COL5A2: variants seen among roughly 807,000 people sequenced by gnomAD.
The protein encoded by COL5A2 is collagen type V alpha 2 chain.
A neutral mutation model predicts 208.2 loss-of-function variants in COL5A2; 23 were observed. The ratio of observed to expected loss-of-function variants is 0.11; its 90% CI spans 0.08 to 0.16. COL5A2 has a LOEUF of 0.16. Ranked by LOEUF, COL5A2 falls within the 10% of genes least tolerant of loss-of-function variation. The pLI is 1.00. For synonymous variants in COL5A2, 625 were observed against 628.5 expected (o/e 0.99, Z 0.08); for missense variants, 1,590 against 1,956.4 (o/e 0.81, Z 3.53).
chr2:189,057,498 G>T, intron 33 of COL5A2, 71 bp from the exon 34 acceptor site: 2 of 1,135,650 alleles, frequency 1.8e-6, no homozygotes, highest in Non-Finnish European at 2.7e-6. Context: ...GCTTTTTAGT[G>T]GGTCAAAAGT....
intron 41 of COL5A2, 23 bp downstream of exon 41, chr2:189,052,149 C>T: frequency 6.2e-7 from 1 of 1,605,990 alleles, no homozygotes; most frequent in Non-Finnish European, 8.5e-7. Context: ...TTATCAGTGA[C>T]TTGTCTCACT....
At chr2:189,202,933 T>C (rs140483767) in intron 1 of COL5A2, among the ~76,000 whole-genome samples, 1 of 152,278 alleles carries the variant, frequency 6.6e-6, no homozygotes, top group East Asian at 1.9e-4. Context: ...TCCAGAATGA[T>C]ACAATTACTG....
chr2:189,347,891 T>C, the COL5A2 span, among the ~76,000 whole-genome samples: 1 of 152,214 alleles, frequency 6.6e-6, no homozygotes, highest in Non-Finnish European at 1.5e-5. Flanking sequence ...CATTGTCTTT[T>C]CACATCCTGT....
At chr2:189,189,222 A>C (rs1170856735) in intron 1 of COL5A2, among the ~76,000 whole-genome samples, 1 of 152,200 alleles carries the variant, frequency 6.6e-6, no homozygotes, top group Admixed American at 6.5e-5. Flanking sequence ...CTGAGTAATA[A>C]AAATATTCAT....
At chr2:189,106,807 T>C (rs1209385597) in intron 2 of COL5A2, among the ~76,000 whole-genome samples, 1 of 151,458 alleles carries the variant, frequency 6.6e-6, no homozygotes, top group Non-Finnish European at 1.5e-5. Flanking sequence ...CTGATCATTG[T>C]CAAATACTTT....
the COL5A2 span, among the ~76,000 whole-genome samples, chr2:189,267,285 G>A: frequency 6.6e-6 from 1 of 151,918 alleles, no homozygotes; most frequent in African/African-American, 2.4e-5. Flanking sequence ...AGCCTAGAAG[G>A]TATATTTTTC....
chr2:189,085,847 A>AGTGTAATT, intron 9 of COL5A2, 75 bp from the exon 10 acceptor site: 1 of 1,226,874 alleles, frequency 8.2e-7, no homozygotes, highest in Non-Finnish European at 1.2e-6. Context: ...GTCAATATAC[A>AGTGTAATT]GTGTAATTGT....
chr2:189,048,267 A>G lies in COL5A2; in HGVS notation c.3148-5T>C. 1 of 1,613,844 alleles carries G rather than the reference A, an allele frequency of 6.2e-7. No individual in the cohort carries two copies. Among genetic ancestry groups the G allele is most frequent in the South Asian group, 1.1e-5 (1 of 91,078 alleles). ...ACCATCATTGCCAGCTGGACCCTATAAAGAATAATGGTTTGAAAAACTACT... is the reference window on the plus strand; with the variant it reads ...ACCATCATTGCCAGCTGGACCCTATGAAGAATAATGGTTTGAAAAACTACT... On this transcript the variant is annotated splice_region_variant and splice_polypyrimidine_tract_variant and intron_variant, in intron 44 of 53. Coordinates refer to ENST00000374866, the MANE Select transcript of COL5A2 (RefSeq NM_000393.5).
At chr2:189,286,641 C>A in the COL5A2 span, among the ~76,000 whole-genome samples, 1 of 152,132 alleles carries the variant, frequency 6.6e-6, no homozygotes, top group Admixed American at 6.6e-5. Flanking sequence ...AAGAGACTTA[C>A]AGTCTTCAAT....
chr2:189,096,754 T>C (rs1686925918), intron 6 of COL5A2, among the ~76,000 whole-genome samples: 1 of 152,166 alleles, frequency 6.6e-6, no homozygotes, highest in Non-Finnish European at 1.5e-5. Context: ...ATCTCAAAGA[T>C]ATTGAGGTCA....
chr2:189,054,346 T>C (rs1685855947), intron 35 of COL5A2, 134 bp from the exon 36 acceptor site: 4 of 672,458 alleles, frequency 5.9e-6, no homozygotes, highest in Non-Finnish European at 1.1e-5. Context: ...TTATCTATAA[T>C]AAATGATATA....
chr2:189,045,166 A>G lies in COL5A2; in HGVS notation c.3363+13T>C. The G allele has an allele frequency of 1.9e-6, 3 of 1,594,046 alleles. No individual in the cohort carries two copies. Among genetic ancestry groups the G allele is most frequent in the Non-Finnish European group, 1.7e-6 (2 of 1,169,906 alleles). ...AGAAAACATTTTTTAAAAAACAAAA[A>G]AAGAGAACTTACAGGTAATCCACGT... On this transcript the variant is annotated intron_variant, in intron 47 of 53. Transcript: ENST00000374866.
the COL5A2 span, among the ~76,000 whole-genome samples, chr2:189,295,794 T>C: frequency 6.6e-6 from 1 of 151,236 alleles, no homozygotes; most frequent in East Asian, 2.0e-4. Flanking sequence ...CCTCCTTTTT[T>C]AAAATTGAGA....
At chr2:189,197,053 T>C (rs2105852204) in intron 1 of COL5A2, among the ~76,000 whole-genome samples, 1 of 152,238 alleles carries the variant, frequency 6.6e-6, no homozygotes, top group South Asian at 2.1e-4. Flanking sequence ...CCAACGCAAA[T>C]GCCCATCACT....
intron 16 of COL5A2, among the ~76,000 whole-genome samples, chr2:189,077,423 A>G (rs766535271): frequency 6.6e-6 from 1 of 152,192 alleles, no homozygotes; most frequent in African/African-American, 2.4e-5. Flanking sequence ...CTGTCTCGTG[A>G]TATTGCAATT....
rs764215821 is a variant in COL5A2 at position 189,063,037 on chromosome 2, T to G, written c.1896A>C (p.Ala632=). The G allele has an allele frequency of 6.2e-7, 1 of 1,614,248 alleles. No homozygotes were observed. Among genetic ancestry groups the G allele is most frequent in the Non-Finnish European group, 8.5e-7 (1 of 1,180,036 alleles). Residue 632 remains alanine, a synonymous_variant, in exon 28 of 54, where the codon GCA becomes GCC. Coordinates refer to ENST00000374866, the MANE Select transcript of COL5A2 (RefSeq NM_000393.5). Reference sequence around the variant, plus strand: ...TCTGCCCAGGAACTCCAGCATTTCCTGCTTCTCCAGGTTTCCCAGGGTCAC... The same window carrying G: ...TCTGCCCAGGAACTCCAGCATTTCCGGCTTCTCCAGGTTTCCCAGGGTCAC... ...SSGDPGKPGE[A]GNAGVPGQRG...
the COL5A2 span, among the ~76,000 whole-genome samples, chr2:189,434,836 C>T: frequency 2.0e-5 from 3 of 152,140 alleles, no homozygotes; most frequent in African/African-American, 7.2e-5. Context: ...CTTTAAAGTT[C>T]ATATGGAACC....
the COL5A2 span, among the ~76,000 whole-genome samples, chr2:189,358,425 AG>A: frequency 7.2e-5 from 11 of 152,188 alleles, no homozygotes; most frequent in Admixed American, 1.3e-4. Flanking sequence ...ACATTTCATA[AG>A]GCTATAGCTG....
chr2:189,194,906 AT>A (rs2105849907), intron 1 of COL5A2, among the ~76,000 whole-genome samples: 1 of 152,182 alleles, frequency 6.6e-6, no homozygotes, highest in South Asian at 2.1e-4. Flanking sequence ...ACCTTTACTG[AT>A]TTGTGTATGT....
Sources: gnomAD v4.1 joint callset for allele counts (sites outside exome capture counted in the v4.1 genomes callset) on GRCh38, gnomAD v4.1.1 for gene constraint, MANE v1.5 for transcripts, NCBI Gene and HGNC (gene_info 2026-07-23, HGNC 2026-07-21) for gene names.